NGEF: variants seen among roughly 807,000 people sequenced by gnomAD.
NGEF encodes the protein ephexin-1.
Under a neutral mutation model 80.9 loss-of-function variants are expected in NGEF, and 31 were observed. The observed-to-expected ratio is 0.38, with a 90% confidence interval of 0.29 to 0.52. NGEF has a LOEUF of 0.52. Among genes scored for constraint, NGEF ranks in the 20% least tolerant of loss-of-function variants. The probability of loss-of-function intolerance (pLI) is 0.84; values close to 1 mark genes in which losing one functional copy is unlikely to be tolerated. For missense variants in NGEF, 709 were observed against 926.2 expected (o/e 0.77, Z 3.04); for synonymous variants, 371 against 370.2 (o/e 1.00, Z -0.03).
At chr2:232,899,901 T>C (rs58637177) in intron 5 of NGEF, among the ~76,000 whole-genome samples, 92 of 54,176 alleles carry the variant, frequency 1.7e-3, no homozygotes, top group Middle Eastern at 0.019. Flanking sequence ...TTCACACACA[T>C]GCTCTCACAG....
chr2:233,008,738 C>A (rs1414610729), intron 1 of NGEF, among the ~76,000 whole-genome samples: 1 of 151,858 alleles, frequency 6.6e-6, no homozygotes, highest in Admixed American at 6.6e-5. Flanking sequence ...ACCTCTGTTT[C>A]TTTTCAGTTT....
chr2:232,974,905 A>G lies in NGEF; in HGVS notation c.-15T>C. The stretch of plus-strand genomic sequence containing the variant: ...CTGGTCTCCATGGAAATAGAGCCAG[A>G]TGTTTCTCAGCAGAACGACTGGAGG... On this transcript the variant is annotated 5_prime_UTR_variant, in exon 2 of 15. Transcript: ENST00000264051. The G allele has an allele frequency of 3.7e-6, 6 of 1,610,416 alleles. No homozygotes were observed. The highest frequency in any genetic ancestry group is 5.1e-6 in the Non-Finnish European group (6 of 1,178,502).
chr2:232,953,085 C>T (rs1426614904), intron 3 of NGEF, among the ~76,000 whole-genome samples: 5 of 149,742 alleles, frequency 3.3e-5, no homozygotes, highest in South Asian at 2.1e-4. Flanking sequence ...GGGCAGATCA[C>T]GAGGTCAGAT....
chr2:232,992,261 A>C (rs996298765), intron 1 of NGEF, among the ~76,000 whole-genome samples: 1 of 152,118 alleles, frequency 6.6e-6, no homozygotes, highest in Non-Finnish European at 1.5e-5. Context: ...GTGCACCACC[A>C]AGAAAATTCT....
At chr2:232,937,616 C>T (rs915790146) in intron 3 of NGEF, among the ~76,000 whole-genome samples, 1 of 152,194 alleles carries the variant, frequency 6.6e-6, no homozygotes, top group Non-Finnish European at 1.5e-5. Flanking sequence ...CCATTGATCT[C>T]TGCATCCTCA....
At chr2:232,927,736 G>C (rs1484401306) in intron 3 of NGEF, among the ~76,000 whole-genome samples, 1 of 151,968 alleles carries the variant, frequency 6.6e-6, no homozygotes, top group East Asian at 1.9e-4. Flanking sequence ...TGGGGTGCGG[G>C]CCCGACGGGG....
At chr2:232,917,155 C>T (rs2106272480) in intron 5 of NGEF, among the ~76,000 whole-genome samples, 2 of 152,338 alleles carry the variant, frequency 1.3e-5, no homozygotes, top group South Asian at 4.1e-4. Flanking sequence ...GCTGAAAGCT[C>T]TGAAGAGTCC....
chr2:232,998,575 C>T (rs544875780), intron 1 of NGEF, among the ~76,000 whole-genome samples: 9 of 152,208 alleles, frequency 5.9e-5, no homozygotes, highest in African/African-American at 1.9e-4. Flanking sequence ...GGCTACAGTC[C>T]GCTCAGTAAA....
intron 5 of NGEF, among the ~76,000 whole-genome samples, chr2:232,899,252 G>C (rs532185107): frequency 4.2e-5 from 6 of 144,300 alleles, no homozygotes; most frequent in Admixed American, 2.1e-4. Flanking sequence ...GCGTGTGAAC[G>C]TACGTGTCAC....
chr2:232,973,920 C>T (rs1225763095), intron 2 of NGEF, among the ~76,000 whole-genome samples: 1 of 152,120 alleles, frequency 6.6e-6, no homozygotes, highest in African/African-American at 2.4e-5. Flanking sequence ...CAGGGGTTGC[C>T]ACTCTGGCAC....
Position 232,942,781 on chromosome 2 carries a change from A to G in NGEF, c.384-15595T>C, listed in dbSNP as rs1286962475. Among the ~76,000 whole-genome samples, 145 of 138,696 alleles carry G rather than the reference A, an allele frequency of 1.0e-3. 2 individuals carry two copies. Among genetic ancestry groups the G allele is most frequent in the Middle Eastern group, 3.7e-3 (1 of 270 alleles). The allele number at this position is 138,696 out of a possible 152,430, so 91.0% of individuals were successfully genotyped here. ...CAGCTACTTGGGAGGCTGAGGCAGG[A>G]GACTCCGTCTCAAAAAAAAAAAAAA... On this transcript the variant is annotated intron_variant, in intron 3 of 14. Transcript: ENST00000264051.
At chr2:232,882,491 T>G (rs1574982701) in intron 12 of NGEF, among the ~76,000 whole-genome samples, 5 of 152,318 alleles carry the variant, frequency 3.3e-5, no homozygotes, top group South Asian at 2.1e-4. Flanking sequence ...CTCTATGATG[T>G]TCCCCTGTGA....
chr2:232,970,305 C>A lies in NGEF; in HGVS notation c.292G>T (p.Val98Leu). The A allele has an allele frequency of 6.2e-7, 1 of 1,601,310 alleles. No individual in the cohort carries two copies. Among genetic ancestry groups the A allele is most frequent in the Non-Finnish European group, 8.5e-7 (1 of 1,175,354 alleles). The part of the protein sequence containing the change: ...LADSQDNGKS[V>L]NEPLTLNIPW... ...ATATTCAAGGTCAGGGGCTCATTTA[C>A]AGATTTTCCATTGTCCTGTGAATCT... Residue 98 changes from valine (V) to leucine (L), a missense_variant, in exon 3 of 15, where the codon GTA becomes TTA. By Grantham distance (32) the Val-to-Leu change is conservative. Around this residue, in one of 2 missense-constraint regions of NGEF, gnomAD observed 283 missense variants for 303.4 expected, o/e 0.93. Transcript: ENST00000264051.
At chr2:232,953,301 C>CAA (rs57652494) in intron 3 of NGEF, among the ~76,000 whole-genome samples, 21,954 of 90,884 alleles carry the variant, frequency 0.24, 2,629 homozygotes, top group South Asian at 0.31. Context: ...GACTCTGTGT[C>CAA]AAAAAAAAAA....
chr2:232,881,506 G>T (rs528311147), intron 13 of NGEF, among the ~76,000 whole-genome samples: 1 of 152,284 alleles, frequency 6.6e-6, no homozygotes, highest in South Asian at 2.1e-4. Flanking sequence ...TTGTACCTGG[G>T]ATATGGCCCT....
chr2:232,962,556 G>A (rs13397982), intron 3 of NGEF, among the ~76,000 whole-genome samples: 88,932 of 151,586 alleles, frequency 0.59, 27,852 homozygotes, highest in African/African-American at 0.81. Flanking sequence ...CTCAAAAAGA[G>A]CTAATAAGCG....
At position 232,892,976 on chromosome 2, in the gene NGEF, T is replaced by C. The variant is rs1293546073; in HGVS notation, c.1064A>G (p.Tyr355Cys). Residue 355 changes from tyrosine to cysteine, a missense_variant, in exon 7 of 15, where the codon TAT becomes TGT. Around this residue, in one of 2 missense-constraint regions of NGEF, gnomAD observed 426 missense variants for 622.9 expected, o/e 0.68. Transcript: ENST00000264051. The surrounding 1 kb of genome is among the most constrained non-coding windows in gnomAD (Gnocchi z 4.0). ...GTAGACAGAGAAGTGGTCGGCCGCA[T>C]AACGGTACACAATGTCACACACGTC... ...ISDVCDIVYR[Y>C]AADHFSVYIT... 1 of 1,613,604 alleles carries C rather than the reference T, an allele frequency of 6.2e-7. No individual in the cohort carries two copies.
At chr2:232,914,727 T>A (rs1232180372) in intron 5 of NGEF, among the ~76,000 whole-genome samples, 1 of 150,518 alleles carries the variant, frequency 6.6e-6, no homozygotes, top group Non-Finnish European at 1.5e-5. Context: ...AAATACAAAA[T>A]AACATTTCTG....
chr2:232,975,153 T>C (rs947923531), intron 1 of NGEF, among the ~76,000 whole-genome samples, 189 bp from the exon 2 acceptor site: 2 of 152,242 alleles, frequency 1.3e-5, no homozygotes, highest in African/African-American at 4.8e-5. Flanking sequence ...TATCATTTTA[T>C]AATTGCCGTT....
Sources: gnomAD v4.1 joint callset for allele counts (sites outside exome capture counted in the v4.1 genomes callset) on GRCh38, gnomAD v4.1.1 for gene constraint, gnomAD v4.1.1 regional missense constraint, Gnocchi (gnomAD v3.1) non-coding constraint, MANE v1.5 for transcripts, NCBI Gene and HGNC (gene_info 2026-07-23, HGNC 2026-07-21) for gene names.